Variants in JARID2 observed in about 807,000 individuals in gnomAD.
JARID2 encodes the protein protein Jumonji.
Under a neutral mutation model 125.6 loss-of-function variants are expected in JARID2, and 21 were observed. The ratio of observed to expected loss-of-function variants is 0.17; its 90% CI spans 0.12 to 0.24. The LOEUF is 0.24. Ranked by LOEUF, JARID2 falls within the 10% of genes least tolerant of loss-of-function variation. The pLI is 1.00. For synonymous variants in JARID2, 736 were observed against 661.6 expected, an observed-to-expected ratio of 1.11 and a Z score of -1.73; for missense variants, 1,303 against 1,639.6, an observed-to-expected ratio of 0.79 and a Z score of 3.55.
chr6:15,404,089 G>A (rs1446370256), intron 2 of JARID2, among the ~76,000 whole-genome samples: 3 of 152,212 alleles, frequency 2.0e-5, no homozygotes, highest in Non-Finnish European at 1.5e-5. Flanking sequence ...TTGACCACAA[G>A]TGTGCCACCG....
chr6:15,297,466 C>T (rs908376781), intron 1 of JARID2, among the ~76,000 whole-genome samples: 4 of 151,922 alleles, frequency 2.6e-5, no homozygotes, highest in African/African-American at 9.7e-5. Context: ...GGGTCCTTTC[C>T]CAGACCTCCA....
At chr6:15,337,684 C>G (rs1218187852) in intron 1 of JARID2, among the ~76,000 whole-genome samples, 2 of 152,104 alleles carry the variant, frequency 1.3e-5, no homozygotes, top group East Asian at 3.9e-4. Context: ...TGAATTTTCC[C>G]CTTTTTGCCT....
At chr6:15,442,555 G>A (rs1314382294) in intron 3 of JARID2, among the ~76,000 whole-genome samples, 1 of 152,202 alleles carries the variant, frequency 6.6e-6, no homozygotes, top group Non-Finnish European at 1.5e-5. Context: ...GACGAGAAGA[G>A]TATTTGTGGC....
intron 4 of JARID2, among the ~76,000 whole-genome samples, chr6:15,456,345 T>C (rs762903810): frequency 2.0e-5 from 3 of 152,136 alleles, no homozygotes; most frequent in African/African-American, 4.8e-5. Context: ...TAGATAAAAT[T>C]TACTTCTTTT....
intron 3 of JARID2, among the ~76,000 whole-genome samples, chr6:15,411,857 T>TGGTC (rs1418921364): frequency 6.6e-6 from 1 of 152,208 alleles, no homozygotes; most frequent in African/African-American, 2.4e-5. Flanking sequence ...GGCTGAGAGC[T>TGGTC]GGTCAGCATC....
intron 2 of JARID2, among the ~76,000 whole-genome samples, chr6:15,406,849 T>TG (rs1478543265): frequency 6.6e-6 from 1 of 152,224 alleles, no homozygotes; most frequent in Non-Finnish European, 1.5e-5. Context: ...TTCTTAGACA[T>TG]GCACATTTTT....
intron 2 of JARID2, among the ~76,000 whole-genome samples, chr6:15,409,446 C>A (rs1047409559): frequency 6.6e-6 from 1 of 152,214 alleles, no homozygotes; most frequent in Non-Finnish European, 1.5e-5. Context: ...GTTGGCAGAA[C>A]CTACATTGAT....
chr6:15,414,961 G>C (rs1561846652), intron 3 of JARID2, among the ~76,000 whole-genome samples: 1 of 152,224 alleles, frequency 6.6e-6, no homozygotes. Context: ...GGACCCTGCG[G>C]CTTTCCGCAG....
chr6:15,313,574 C>G (rs1238274803), intron 1 of JARID2, among the ~76,000 whole-genome samples: 1 of 152,114 alleles, frequency 6.6e-6, no homozygotes, highest in Non-Finnish European at 1.5e-5. Flanking sequence ...CTGTTGGTGC[C>G]GCGGCAGCAT....
At chr6:15,370,476 T>C (rs542802374) in intron 1 of JARID2, among the ~76,000 whole-genome samples, 9 of 152,142 alleles carry the variant, frequency 5.9e-5, no homozygotes, top group African/African-American at 2.2e-4. Flanking sequence ...TAGCTGGTAC[T>C]ACAGGCGCCC....
intron 1 of JARID2, among the ~76,000 whole-genome samples, chr6:15,339,370 A>T (rs1762988864): frequency 6.6e-6 from 1 of 152,090 alleles, no homozygotes; most frequent in African/African-American, 2.4e-5. Flanking sequence ...ATCAGGAGGA[A>T]GTTGCAAAAA....
At chr6:15,519,076 AGT>A (rs979364851) in intron 17 of JARID2, among the ~76,000 whole-genome samples, 1 of 152,158 alleles carries the variant, frequency 6.6e-6, no homozygotes, top group Non-Finnish European at 1.5e-5. Context: ...CGCCGAGCCT[AGT>A]GTGAGAGCAC....
intron 2 of JARID2, among the ~76,000 whole-genome samples, chr6:15,384,808 A>G (rs867303244): frequency 1.5e-4 from 23 of 152,058 alleles, no homozygotes; most frequent in African/African-American, 4.6e-4. Flanking sequence ...GGCTTAAGTG[A>G]TCCTCTTTCC....
intron 6 of JARID2, among the ~76,000 whole-genome samples, chr6:15,494,609 C>T (rs1223356531): frequency 1.3e-5 from 2 of 151,996 alleles, no homozygotes; most frequent in South Asian, 2.1e-4. Flanking sequence ...GGGGTTTCAC[C>T]GTGTTAGCCA....
intron 1 of JARID2, among the ~76,000 whole-genome samples, chr6:15,329,613 C>T (rs1014403203): frequency 1.3e-5 from 2 of 152,202 alleles, no homozygotes; most frequent in African/African-American, 4.8e-5. Context: ...GCGGGTTAAA[C>T]CGCATGCGCT....
intron 2 of JARID2, among the ~76,000 whole-genome samples, chr6:15,377,419 A>C (rs1365463620): frequency 6.6e-6 from 1 of 152,136 alleles, no homozygotes; most frequent in African/African-American, 2.4e-5. Flanking sequence ...GGGAGATACA[A>C]TTCAAGTTGA....
chr6:15,463,864 G>A (rs983739686), intron 4 of JARID2, among the ~76,000 whole-genome samples: 1 of 152,114 alleles, frequency 6.6e-6, no homozygotes, highest in Non-Finnish European at 1.5e-5. Context: ...TAAACACCCT[G>A]GGCTGCTATC....
Position 15,521,071 on chromosome 6 carries a change from TAAAAAAAA to T in JARID2, c.*833_*840del, listed in dbSNP as rs34405141. On this transcript the variant is annotated 3_prime_UTR_variant, in exon 18 of 18. Coordinates refer to ENST00000341776, the MANE Select transcript of JARID2 (RefSeq NM_004973.4). ...ACCCTTCAATAGCATCCTTAAGATTTAAAAAAAAAAAAAAAAAAAAGGAAAAAAAAGTG... is the reference window on the plus strand; with the variant it reads ...ACCCTTCAATAGCATCCTTAAGATTTAAAAAAAAAAAAGGAAAAAAAAGTG... 3.3e-3 allele frequency: 382 copies of T among 115,946 alleles called. 3 individuals are homozygous for T. Among genetic ancestry groups the T allele is most frequent in the African/African-American group, 0.012 (361 of 29,614 alleles). 7.2% of individuals were successfully genotyped at this position (115,946 alleles called of 1,614,324 possible).
intron 1 of JARID2, among the ~76,000 whole-genome samples, chr6:15,354,679 C>T (rs73363107): frequency 0.054 from 8,204 of 152,158 alleles, 737 homozygotes; most frequent in African/African-American, 0.19. Context: ...CCCAGACCAC[C>T]GGACTGTAAA....
Sources: gnomAD v4.1 joint callset for allele counts (sites outside exome capture counted in the v4.1 genomes callset) on GRCh38, gnomAD v4.1.1 for gene constraint, MANE v1.5 for transcripts, NCBI Gene and HGNC (gene_info 2026-07-23, HGNC 2026-07-21) for gene names.